WWOX: variants seen among roughly 807,000 people sequenced by gnomAD.
WWOX encodes the protein WW domain-containing oxidoreductase.
In WWOX, 69 loss-of-function variants were observed where a neutral mutation model predicts 46.2. That is an observed-to-expected ratio of 1.49 (90% confidence interval 1.23 to 1.82). WWOX has a LOEUF of 1.82. WWOX is among the 40% of genes most tolerant of loss of function. The probability of loss-of-function intolerance (pLI) is 0.00; values close to 1 mark genes in which losing one functional copy is unlikely to be tolerated. For missense variants in WWOX, 919 were observed against 542.6 expected (o/e 1.69, Z -6.89); for synonymous variants, 359 against 202.6 (o/e 1.77, Z -6.56).
In WWOX at chr16:78,106,674, C is replaced by T. The variant is rs146590918; in HGVS notation, c.108-1749C>T. Among the ~76,000 whole-genome samples, 46 of 152,274 alleles carry T rather than the reference C, an allele frequency of 3.0e-4. 1 individual carries two copies. Among genetic ancestry groups the T allele is most frequent in the African/African-American group, 1.1e-3 (46 of 41,556 alleles). On this transcript the variant is annotated intron_variant, in intron 1 of 8. Transcript: ENST00000566780. ...CAGGTAATCCGCCTGCCTTGCCCTC[C>T]TGAAGTACTGGGATTACAGACATGA...
At chr16:78,454,386 T>C (rs1487487268) in intron 8 of WWOX, among the ~76,000 whole-genome samples, 1 of 150,740 alleles carries the variant, frequency 6.6e-6, no homozygotes, top group Non-Finnish European at 1.5e-5. Context: ...GTGTGTATTA[T>C]ATGCATGTGT....
Position 78,146,227 on chromosome 16 carries a change from A to T in WWOX, c.410-17956A>T, listed in dbSNP as rs187074347. Among the ~76,000 whole-genome samples the T allele has an allele frequency of 2.2e-3, 328 of 151,932 alleles. 3 individuals are homozygous for T. The highest frequency in any genetic ancestry group is 7.6e-3 in the African/African-American group (314 of 41,412). ...TGCTTAGGCTCCCGCTGCTGACAAG[A>T]CCCTCTGCCTGGCAAGCCGTGCAGG... On this transcript the variant is annotated intron_variant, in intron 4 of 8. Transcript: ENST00000566780.
At chr16:78,372,081 G>A (rs945968471) in intron 5 of WWOX, among the ~76,000 whole-genome samples, 9 of 152,158 alleles carry the variant, frequency 5.9e-5, no homozygotes, top group African/African-American at 2.2e-4. Flanking sequence ...TAATTGTGAA[G>A]GAGACTGGGC....
At chr16:78,947,913 T>A (rs1205345366) in intron 8 of WWOX, among the ~76,000 whole-genome samples, 6 of 152,220 alleles carry the variant, frequency 3.9e-5, no homozygotes, top group Non-Finnish European at 7.3e-5. Context: ...TGTGGATATT[T>A]AATTATGTCA....
In WWOX at chr16:78,667,075, G is replaced by A. The variant is rs188159584; in HGVS notation, c.1056+234323G>A. 1.6e-3 allele frequency among the ~76,000 whole-genome samples: 247 copies of A among 152,240 alleles called. 1 individual carries two copies. Among genetic ancestry groups the A allele is most frequent in the Non-Finnish European group, 2.4e-3 (164 of 68,016 alleles). On this transcript the variant is annotated intron_variant, in intron 8 of 8. Coordinates refer to ENST00000566780, the MANE Select transcript of WWOX (RefSeq NM_016373.4). ...AATGGTCAGAGGAGTTTTGAGTATCGGATCTTTGTGTACTTGCTTTTTAAA... is the reference window on the plus strand; with the variant it reads ...AATGGTCAGAGGAGTTTTGAGTATCAGATCTTTGTGTACTTGCTTTTTAAA...
chr16:78,105,802 T>A (rs2032102841), intron 1 of WWOX, among the ~76,000 whole-genome samples: 1 of 152,046 alleles, frequency 6.6e-6, no homozygotes, highest in African/African-American at 2.4e-5. Context: ...TTTTGTGGAT[T>A]TTTTTATTTT....
chr16:78,738,214 T>C (rs1028220000), intron 8 of WWOX, among the ~76,000 whole-genome samples: 1 of 152,210 alleles, frequency 6.6e-6, no homozygotes, highest in African/African-American at 2.4e-5. Flanking sequence ...ACTGCAGTCA[T>C]TTTAAGATTT....
intron 5 of WWOX, among the ~76,000 whole-genome samples, chr16:78,336,774 T>C (rs9932259): frequency 0.072 from 10,957 of 152,150 alleles, 1,156 homozygotes; most frequent in African/African-American, 0.23. Context: ...TTTACAATTA[T>C]AGTATTAAGA....
At chr16:78,794,003 A>T (rs1416680821) in intron 8 of WWOX, among the ~76,000 whole-genome samples, 2 of 152,190 alleles carry the variant, frequency 1.3e-5, no homozygotes, top group East Asian at 3.8e-4. Flanking sequence ...TTAGTAACAC[A>T]GGCTTTGGGT....
At chr16:78,225,340 C>T (rs561820330) in intron 5 of WWOX, among the ~76,000 whole-genome samples, 4 of 152,076 alleles carry the variant, frequency 2.6e-5, no homozygotes, top group African/African-American at 7.2e-5. Context: ...GTACATAGTT[C>T]GTTATTGACT....
At chr16:79,167,697 C>T (rs986628559) in intron 8 of WWOX, among the ~76,000 whole-genome samples, 1 of 152,202 alleles carries the variant, frequency 6.6e-6, no homozygotes, top group Non-Finnish European at 1.5e-5. Context: ...CTTCAAAAAC[C>T]CTTGTATCCT....
At chr16:79,065,621 T>A (rs1207501480) in intron 8 of WWOX, among the ~76,000 whole-genome samples, 1 of 152,218 alleles carries the variant, frequency 6.6e-6, no homozygotes, top group African/African-American at 2.4e-5. Context: ...GTTCCAAATC[T>A]TGTGACCTCC....
chr16:78,544,705 T>C (rs1409826491), intron 8 of WWOX, among the ~76,000 whole-genome samples: 1 of 152,026 alleles, frequency 6.6e-6, no homozygotes, highest in Non-Finnish European at 1.5e-5. Context: ...AGACCATCCA[T>C]CTCTACAAAA....
chr16:79,097,017 C>T (rs921179527), intron 8 of WWOX, among the ~76,000 whole-genome samples: 1 of 151,764 alleles, frequency 6.6e-6, no homozygotes, highest in African/African-American at 2.4e-5. Flanking sequence ...CTTTCTGTGG[C>T]ATAGAAGGCA....
intron 5 of WWOX, among the ~76,000 whole-genome samples, chr16:78,260,802 G>A (rs2079213274): frequency 6.9e-6 from 1 of 144,248 alleles, no homozygotes; most frequent in Admixed American, 7.0e-5. Context: ...AGCTGGGTGT[G>A]GTGGCGTGCC....
chr16:78,324,136 C>G (rs147277497), intron 5 of WWOX, among the ~76,000 whole-genome samples: 17 of 152,144 alleles, frequency 1.1e-4, no homozygotes, highest in Non-Finnish European at 2.1e-4. Flanking sequence ...CTGCTTGATT[C>G]CAAGACCGTG....
intron 8 of WWOX, among the ~76,000 whole-genome samples, chr16:78,815,737 T>G (rs1413850218): frequency 6.6e-6 from 1 of 152,198 alleles, no homozygotes; most frequent in Non-Finnish European, 1.5e-5. Context: ...GCTTTAGAAC[T>G]GCAATGCATC....
At position 78,468,268 on chromosome 16, in the gene WWOX, T is replaced by C. The variant is rs562420821; in HGVS notation, c.1056+35516T>C. 4.2e-4 allele frequency among the ~76,000 whole-genome samples: 64 copies of C among 151,416 alleles called. No individual in the cohort carries two copies. The South Asian group carries it at 8.4e-3, about 20-fold the overall frequency. On this transcript the variant is annotated intron_variant, in intron 8 of 8. Transcript: ENST00000566780. The stretch of plus-strand genomic sequence containing the variant: ...ATGCTGTTCTAGGCTGCCTTTCTTT[T>C]TTTTTTTTTTTTTTAAACTTCATGG...
intron 5 of WWOX, among the ~76,000 whole-genome samples, chr16:78,325,544 C>T (rs2080591231): frequency 6.6e-6 from 1 of 152,112 alleles, no homozygotes; most frequent in African/African-American, 2.4e-5. Context: ...TGCGATTTCC[C>T]TCCACATAAT....
Sources: allele counts gnomAD v4.1 joint callset (sites outside exome capture counted in the v4.1 genomes callset), GRCh38; gene constraint gnomAD v4.1.1; transcripts MANE v1.5; gene names NCBI Gene and HGNC (gene_info 2026-07-23, HGNC 2026-07-21).